PPFIBP2: variants seen among roughly 807,000 people sequenced by gnomAD.
PPFIBP2 encodes the protein PPFIB scaffold protein 2, also known as liprin-beta-2.
In PPFIBP2, 118 loss-of-function variants were observed where a neutral mutation model predicts 118.3. The observed-to-expected ratio is 1.00, with a 90% CI of 0.86 to 1.16. The LOEUF is 1.16. Ranked by LOEUF, PPFIBP2 falls within the 50% of genes most tolerant of loss-of-function variation. The pLI is 0.00. For synonymous variants in PPFIBP2, 414 were observed against 397.4 expected (o/e 1.04, Z -0.50); for missense variants, 1,195 against 1,073.1 (o/e 1.11, Z -1.59).
intron 1 of PPFIBP2, among the ~76,000 whole-genome samples, chr11:7,538,698 A>G (rs537295031): frequency 1.3e-5 from 2 of 151,628 alleles, no homozygotes; most frequent in Non-Finnish European, 2.9e-5. Context: ...GATATCCTGG[A>G]CCTCGCCTGA....
At chr11:7,643,750 C>G (rs896480316) in intron 17 of PPFIBP2, among the ~76,000 whole-genome samples, 1 of 152,158 alleles carries the variant, frequency 6.6e-6, no homozygotes, top group African/African-American at 2.4e-5. Flanking sequence ...TGCTAGTATT[C>G]TTTAGGAAAA....
At chr11:7,607,751 C>G (rs184446515) in intron 5 of PPFIBP2, among the ~76,000 whole-genome samples, 1 of 152,058 alleles carries the variant, frequency 6.6e-6, no homozygotes, top group Non-Finnish European at 1.5e-5. Flanking sequence ...AGCTGGGAAG[C>G]TCACATGTAC....
intron 4 of PPFIBP2, chr11:7,597,171 G>A (rs901473248): frequency 6.5e-5 from 95 of 1,460,470 alleles, no homozygotes; most frequent in African/African-American, 3.1e-4. Flanking sequence ...AGTTTGGACC[G>A]CTCTTCCACA....
intron 7 of PPFIBP2, among the ~76,000 whole-genome samples, chr11:7,622,945 T>C (rs1849525064): frequency 6.6e-6 from 1 of 152,250 alleles, no homozygotes; most frequent in African/African-American, 2.4e-5. Context: ...GGTTATTTAA[T>C]AACTACCAGG....
intron 1 of PPFIBP2, among the ~76,000 whole-genome samples, chr11:7,524,628 G>A (rs1302836367): frequency 1.3e-5 from 2 of 152,122 alleles, no homozygotes; most frequent in East Asian, 1.9e-4. Context: ...GTGAAAGTAG[G>A]CACATAAATG....
downstream of PPFIBP2, among the ~76,000 whole-genome samples, chr11:7,654,789 T>G (rs1854532176): frequency 6.6e-6 from 1 of 152,262 alleles, no homozygotes; most frequent in Non-Finnish European, 1.5e-5. Context: ...GGAACTGTTG[T>G]GCCACTGATT....
chr11:7,649,367 G>A (rs955313463), intron 20 of PPFIBP2, 132 bp downstream of exon 20: 1 of 1,246,158 alleles, frequency 8.0e-7, no homozygotes. Flanking sequence ...TCACAAAAGA[G>A]GTCCCAAGTA....
chr11:7,657,283 T>C (rs1854766978), downstream of PPFIBP2, among the ~76,000 whole-genome samples: 1 of 152,228 alleles, frequency 6.6e-6, no homozygotes, highest in Non-Finnish European at 1.5e-5. Flanking sequence ...ACGTGCTTTT[T>C]CCATTCTTGG....
chr11:7,614,260 C>T (rs1848386748), intron 6 of PPFIBP2, among the ~76,000 whole-genome samples: 1 of 152,196 alleles, frequency 6.6e-6, no homozygotes, highest in Non-Finnish European at 1.5e-5. Flanking sequence ...AGTCAGCAGT[C>T]AGGAAGCAGT....
At chr11:7,593,049 C>T in intron 3 of PPFIBP2, 83 bp from the exon 4 acceptor site, 4 of 1,547,626 alleles carry the variant, frequency 2.6e-6, no homozygotes, top group Non-Finnish European at 3.5e-6. Context: ...TCACAAATTA[C>T]ATGCATCCCT....
chr11:7,612,082 A>G (rs900990013), intron 6 of PPFIBP2, among the ~76,000 whole-genome samples: 6 of 152,184 alleles, frequency 3.9e-5, no homozygotes, highest in African/African-American at 7.2e-5. Flanking sequence ...GAGGAGAGAG[A>G]CCTATGTCAC....
Position 7,518,906 on chromosome 11 carries a change from G to A in PPFIBP2, c.-37+4785G>A, listed in dbSNP as rs772583390. The stretch of plus-strand genomic sequence containing the variant: ...GGAGAGAAGGAAGAAGTCAGAAGTC[G>A]TTCCTGCTGAGGGTTTGAAGGGGAA... On this transcript the variant is annotated intron_variant, in intron 1 of 23. Transcript: ENST00000299492. 5.3e-5 allele frequency among the ~76,000 whole-genome samples: 8 copies of A among 152,358 alleles called. 1 individual carries two copies. In the Middle Eastern group the frequency reaches 0.01, roughly 194 times the overall value.
intron 5 of PPFIBP2, among the ~76,000 whole-genome samples, chr11:7,602,087 CAAAAAAAAAA>C (rs201003988): frequency 2.1e-4 from 12 of 56,184 alleles, no homozygotes; most frequent in African/African-American, 3.9e-4. Context: ...GAATGAAACT[CAAAAAAAAAA>C]AAAAAAAAAA....
At chr11:7,662,030 C>T (rs1369136951), downstream of PPFIBP2, among the ~76,000 whole-genome samples, 1 of 140,316 alleles carries the variant, frequency 7.1e-6, no homozygotes, top group Non-Finnish European at 1.6e-5. Context: ...TTATTTTGAG[C>T]CTATGTGTGT....
At chr11:7,656,767 T>C, downstream of PPFIBP2, 2 of 1,289,830 alleles carry the variant, frequency 1.6e-6, no homozygotes, top group Non-Finnish European at 2.0e-6. Context: ...GACTCTCGCC[T>C]GCCTGCCCCC....
chr11:7,592,215 T>G lies in PPFIBP2; in HGVS notation c.280-917T>G, dbSNP rs532946838. Among the ~76,000 whole-genome samples the G allele has an allele frequency of 4.6e-5, 7 of 152,316 alleles. No homozygotes were observed. The South Asian group carries it at 1.2e-3, about 27-fold the overall frequency. On this transcript the variant is annotated intron_variant, in intron 3 of 23. Transcript: ENST00000299492. ...ACCAGTCTGATTTCAGTCTTCCATT[T>G]GCATGGAGGAAGGAGGTGTTGGGGC...
At chr11:7,660,282 G>T (rs893426937), downstream of PPFIBP2, among the ~76,000 whole-genome samples, 1 of 122,462 alleles carries the variant, frequency 8.2e-6, no homozygotes, top group African/African-American at 2.6e-5. Context: ...ATTGGCTGTG[G>T]GTTTGTCATA....
chr11:7,554,705 G>C (rs1853388956), intron 2 of PPFIBP2, among the ~76,000 whole-genome samples: 3 of 152,090 alleles, frequency 2.0e-5, no homozygotes, highest in African/African-American at 7.2e-5. Flanking sequence ...AATGCAAAAA[G>C]AAATGCCTTG....
intron 15 of PPFIBP2, chr11:7,640,970 T>A: frequency 8.4e-7 from 1 of 1,185,006 alleles, no homozygotes; most frequent in Non-Finnish European, 1.1e-6. Context: ...GTAACTCTGT[T>A]GGGCTGGACT....
Sources: allele counts gnomAD v4.1 joint callset (sites outside exome capture counted in the v4.1 genomes callset), GRCh38; gene constraint gnomAD v4.1.1; transcripts MANE v1.5; gene names NCBI Gene and HGNC (gene_info 2026-07-23, HGNC 2026-07-21).